CHIT1: variants seen among roughly 807,000 people sequenced by gnomAD.
CHIT1 encodes the protein chitinase 1.
In CHIT1, 47 loss-of-function variants were observed where a neutral mutation model predicts 52.0. That is an observed-to-expected ratio of 0.90 (90% CI 0.71 to 1.15). The LOEUF (loss-of-function observed/expected upper bound fraction) is 1.15. Ranked by LOEUF, CHIT1 falls within the 50% of genes most tolerant of loss-of-function variation. CHIT1 has a pLI of 0.00. For missense variants in CHIT1, 569 were observed against 583.0 expected, an observed-to-expected ratio of 0.98 and a Z score of 0.25; for synonymous variants, 242 against 228.2, an observed-to-expected ratio of 1.06 and a Z score of -0.54.
Position 203,216,647 on chromosome 1 carries a change from T to C in CHIT1, c.*242A>G. ...GTCAACAGTGTGCTTAGAGAGCCTC[T>C]TAAGTCACCACATCTTTGGGAAGAG... On this transcript the variant is annotated 3_prime_UTR_variant, in exon 11 of 11. Coordinates refer to ENST00000367229, the MANE Select transcript of CHIT1 (RefSeq NM_003465.3). The C allele has an allele frequency of 1.6e-6, 1 of 608,422 alleles. No individual in the cohort carries two copies. Among genetic ancestry groups the C allele is most frequent in the East Asian group, 3.5e-5 (1 of 28,228 alleles). 37.7% of individuals were successfully genotyped at this position (608,422 alleles called of 1,614,324 possible). A position where few individuals can be genotyped will look rare whatever the true frequency, so the allele number is the denominator to read the frequency against.
intron 9 of CHIT1, chr1:203,218,211 G>A (rs1463012815): frequency 2.6e-6 from 2 of 769,492 alleles, no homozygotes; most frequent in Non-Finnish European, 3.6e-6. Context: ...GGTATTGTAT[G>A]CTGGTCAAGG....
At chr1:203,220,140 A>G (rs1430890134) in intron 7 of CHIT1, among the ~76,000 whole-genome samples, 1 of 152,190 alleles carries the variant, frequency 6.6e-6, no homozygotes, top group Admixed American at 6.5e-5. Context: ...GGCGCTGTCC[A>G]TGGTGCTTCA....
At chr1:203,229,712 T>A, upstream of CHIT1, 1 of 1,471,588 alleles carries the variant, frequency 6.8e-7, no homozygotes, top group East Asian at 2.5e-5. Flanking sequence ...CTGGCCACCC[T>A]GTCCCACCCC....
chr1:203,219,427 G>T, intron 8 of CHIT1, 98 bp from the exon 9 acceptor site: 1 of 923,108 alleles, frequency 1.1e-6, no homozygotes, highest in Non-Finnish European at 1.8e-6. Context: ...GAAAATTCCT[G>T]TCTGAGGAAG....
In CHIT1 at chr1:203,216,439, C is replaced by G. The variant is rs1369299780; in HGVS notation, c.*450G>C. The G allele has an allele frequency of 4.4e-6, 2 of 455,182 alleles. No homozygotes were observed. Among genetic ancestry groups the G allele is most frequent in the Admixed American group, 2.3e-5 (1 of 42,588 alleles). The allele number at this position is 455,182 out of a possible 1,614,324, so 28.2% of individuals were successfully genotyped here. On this transcript the variant is annotated 3_prime_UTR_variant, in exon 11 of 11. Coordinates refer to ENST00000367229, the MANE Select transcript of CHIT1 (RefSeq NM_003465.3). ...TGAAGGTCCGCAGAAGCTCCTGTTT[C>G]CAGGCTTCTGAGCCAATAACCAAAG...
At chr1:203,229,504 C>T in intron 1 of CHIT1, 108 bp downstream of exon 1, 1 of 1,306,866 alleles carries the variant, frequency 7.7e-7, no homozygotes, top group Non-Finnish European at 1.1e-6. Context: ...CTCTGAAGTT[C>T]TCCTGAGTCC....
rs140099921 is a variant in CHIT1 at position 203,219,527 on chromosome 1, G to C, written c.915+137C>G. ...CTTAAGGATAAATTCAAGATGGCAT[G>C]GATGAGATGGAATTTACATGGCCAG... is the stretch of plus-strand genomic sequence containing the variant. On this transcript the variant is annotated intron_variant, in intron 8 of 10. Coordinates refer to ENST00000367229, the MANE Select transcript of CHIT1 (RefSeq NM_003465.3). 6.2e-6 allele frequency: 7 copies of C among 1,127,048 alleles called. No individual in the cohort carries two copies. The East Asian group carries it at 1.7e-4, about 27-fold the overall frequency. 69.8% of individuals were successfully genotyped at this position (1,127,048 alleles called of 1,614,324 possible). A position where few individuals can be genotyped will look rare whatever the true frequency, so the allele number is the denominator to read the frequency against.
Position 203,217,846 on chromosome 1 carries a change from T to TAGACCA in CHIT1, c.1048_1049insTGGTCT (p.Lys350delinsMetValTer), listed in dbSNP as rs1553274595. 12 of 1,613,442 alleles carry TAGACCA rather than the reference T, an allele frequency of 7.4e-6. No individual in the cohort carries two copies. The Admixed American group carries it at 8.3e-5, about 11-fold the overall frequency. On this transcript the variant is annotated stop_gained and protein_altering_variant, in exon 10 of 11. Transcript: ENST00000367229. LOFTEE classifies it high-confidence loss of function. The stretch of plus-strand genomic sequence containing the variant: ...CCAGACCATGGCCCCGCCCAGTCCC[T>TAGACCA]TCTGCTTCAGATAGCTGACCTGTGC...
chr1:203,225,841 T>A lies in CHIT1; in HGVS notation c.85A>T (p.Thr29Ser). 6.2e-7 allele frequency: 1 copy of A among 1,614,032 alleles called. No individual in the cohort carries two copies. The highest frequency in any genetic ancestry group is 1.1e-5 in the South Asian group (1 of 91,082). Residue 29 changes from threonine (T) to serine (S), a missense_variant, in exon 3 of 11, where the codon ACC becomes TCC. Physicochemically the swap from Thr to Ser is moderately conservative, Grantham distance 58 (BLOSUM62 1). Transcript: ENST00000367229. ...GSAAKLVCYF[T>S]NWAQYRQGEA... ...CCCTGTCTGTACTGGGCCCAGTTGG[T>A]GAAGTAGCAGACCAGTTTTGCAGCA...
chr1:203,219,255 C>T lies in CHIT1; in HGVS notation c.990G>A (p.Gln330=), dbSNP rs753704912. The T allele has an allele frequency of 6.2e-7, 1 of 1,603,142 alleles. No individual in the cohort carries two copies. Among genetic ancestry groups the T allele is most frequent in the Non-Finnish European group, 8.5e-7 (1 of 1,170,852 alleles). The change falls in exon 9 of 11, where the codon CAG becomes CAA. Residue 330 remains glutamine, a synonymous_variant. Transcript: ENST00000367229. ...TCTCCACATCATCAAAGCCCACCCA[C>T]TGGTTGTCCCGGAAGATGTAGGGCA... ...QKVPYIFRDN[Q]WVGFDDVESF... is the part of the protein sequence containing the mutation.
intron 1 of CHIT1, among the ~76,000 whole-genome samples, chr1:203,228,831 G>A (rs1021953878): frequency 1.3e-5 from 2 of 152,194 alleles, no homozygotes; most frequent in Non-Finnish European, 2.9e-5. Context: ...CTCAGTAAAG[G>A]GCAGTGTGGA....
Position 203,217,024 on chromosome 1 carries a change from G to A in CHIT1, c.1266C>T (p.Gly422=), listed in dbSNP as rs752929912. Residue 422 remains glycine (G), a synonymous_variant, in exon 11 of 11, where the codon GGC becomes GGT. Transcript: ENST00000367229. The part of the protein sequence containing the change: ...PSPGQDTFCQ[G]KADGLYPNPR... The stretch of plus-strand genomic sequence containing the variant: ...GATTGGGATAGAGCCCATCAGCTTT[G>A]CCCTGGCAGAACGTGTCTTGTCCAG... 15 of 1,614,026 alleles carry A rather than the reference G, an allele frequency of 9.3e-6. No individual in the cohort carries two copies. The highest frequency in any genetic ancestry group is 1.2e-5 in the Non-Finnish European group (14 of 1,180,044).
rs1182657003 is a variant in CHIT1, at chr1:203,217,145, G to A, written c.1157-12C>T. On this transcript the variant is annotated splice_polypyrimidine_tract_variant and intron_variant, in intron 10 of 10. Transcript: ENST00000367229. Reference sequence around the variant, plus strand: ...CAAGTATGGAAGACCTGGGAAGACAGTGAAGATTCAACCAAGGCTCCCCCG... The same window carrying A: ...CAAGTATGGAAGACCTGGGAAGACAATGAAGATTCAACCAAGGCTCCCCCG... 14 of 1,601,730 alleles carry A rather than the reference G, an allele frequency of 8.7e-6. No individual in the cohort carries two copies. In the Admixed American group the frequency reaches 2.3e-4, roughly 27 times the overall value.
intron 6 of CHIT1, among the ~76,000 whole-genome samples, 200 bp from the exon 7 acceptor site, chr1:203,222,525 TCTCA>T (rs1474616889): frequency 1.3e-5 from 2 of 152,084 alleles, no homozygotes; most frequent in Non-Finnish European, 2.9e-5. Context: ...CCATTCTCAT[TCTCA>T]CTCAAACTTG....
Position 203,223,269 on chromosome 1 carries a change from T to C in CHIT1, c.481-10A>G. ...AGGCATTGGCCAAGTCCTGTGGGAG[T>C]GGAGCTCAGAGTCAACACAGGGGCG... On this transcript the variant is annotated splice_polypyrimidine_tract_variant and intron_variant, in intron 5 of 10. Transcript: ENST00000367229. 4 of 1,614,004 alleles carry C rather than the reference T, an allele frequency of 2.5e-6. No individual in the cohort carries two copies. The highest frequency in any genetic ancestry group is 3.4e-6 in the Non-Finnish European group (4 of 1,180,018).
Position 203,225,771 on chromosome 1 carries a change from G to C in CHIT1, c.155C>G (p.Thr52Ser), listed in dbSNP as rs201434651. ...GCCAGCGAAGGCGTAGATGAGGTGG[G>C]TGCAAAGGCTGGGGTCCAAGTCCTT... is the stretch of plus-strand genomic sequence containing the variant. The part of the protein sequence containing the change: ...LPKDLDPSLC[T>S]HLIYAFAGMT... Residue 52 changes from threonine (T) to serine (S), a missense_variant, in exon 3 of 11, where the codon ACC (threonine) becomes AGC (serine). Transcript: ENST00000367229. 1 of 1,614,104 alleles carries C rather than the reference G, an allele frequency of 6.2e-7. No homozygotes were observed. The highest frequency in any genetic ancestry group is 1.7e-5 in the Admixed American group (1 of 60,006).
intron 7 of CHIT1, among the ~76,000 whole-genome samples, chr1:203,221,642 T>G (rs994443323): frequency 1.3e-5 from 2 of 151,800 alleles, no homozygotes; most frequent in Non-Finnish European, 2.9e-5. Context: ...TATATAAAAT[T>G]AAAAAAAATT....
In CHIT1 at chr1:203,219,328, A is replaced by G. The variant is rs538252193; in HGVS notation, c.917T>C (p.Val306Ala). ...TTTGGTGGCCCCCTTCCAGGAGCAG[A>G]CCTGTGGGAGCAGAAGGCAGCACTG... is the stretch of plus-strand genomic sequence containing the variant. ...KEGGMLAYYE[V>A]CSWKGATKQR... Residue 306 changes from valine to alanine, a missense_variant and splice_region_variant, in exon 9 of 11, where the codon GTC becomes GCC. Coordinates refer to ENST00000367229, the MANE Select transcript of CHIT1 (RefSeq NM_003465.3). 21 of 1,581,212 alleles carry G rather than the reference A, an allele frequency of 1.3e-5. No individual in the cohort carries two copies. The South Asian group carries it at 1.4e-4, about 11-fold the overall frequency.
At position 203,217,211 on chromosome 1, in the gene CHIT1, C is replaced by T; in HGVS notation, c.1157-78G>A. The T allele has an allele frequency of 2.5e-6, 4 of 1,597,394 alleles. No individual in the cohort carries two copies. In the Admixed American group the frequency reaches 6.7e-5, roughly 27 times the overall value. ...CACAGGCAGAGCACACAGGCAGCAA[C>T]CATTGGCTGGCAGCAGCCCAGCACC... On this transcript the variant is annotated intron_variant, in intron 10 of 10. Transcript: ENST00000367229.
Sources: gnomAD v4.1 joint callset for allele counts (sites outside exome capture counted in the v4.1 genomes callset) on GRCh38, gnomAD v4.1.1 for gene constraint, MANE v1.5 for transcripts, NCBI Gene and HGNC (gene_info 2026-07-23, HGNC 2026-07-21) for gene names.